PPME1: variants seen among roughly 807,000 people sequenced by gnomAD.
The protein encoded by PPME1 is testicular secretory protein Li 39.
Under a neutral mutation model 56.9 loss-of-function variants are expected in PPME1, and 17 were observed. The ratio of observed to expected loss-of-function variants is 0.30; its 90% CI spans 0.20 to 0.45. The LOEUF (loss-of-function observed/expected upper bound fraction) is 0.45, where lower values mean the gene tolerates loss of function less well. Among genes scored for constraint, PPME1 ranks in the 20% least tolerant of loss-of-function variants. The probability of loss-of-function intolerance (pLI) is 1.00; values close to 1 mark genes in which losing one functional copy is unlikely to be tolerated. For synonymous variants in PPME1, 122 were observed against 156.2 expected (o/e 0.78, Z 1.63); for missense variants, 357 against 483.2 (o/e 0.74, Z 2.45).
intron 5 of PPME1, among the ~76,000 whole-genome samples, chr11:74,229,352 G>C (rs1366115466): frequency 6.6e-6 from 1 of 152,060 alleles, no homozygotes; most frequent in East Asian, 1.9e-4. Context: ...ATATAATAAG[G>C]CAGTAGAGCC....
At chr11:74,250,674 G>A (rs567560672) in intron 11 of PPME1, 2 of 378,356 alleles carry the variant, frequency 5.3e-6, no homozygotes, top group East Asian at 8.4e-5. Context: ...CTACTGGACT[G>A]TAAATCCCCT....
Position 74,171,347 on chromosome 11 carries a change from T to A in PPME1, c.-75T>A. The A allele has an allele frequency of 1.3e-6, 2 of 1,532,596 alleles. No homozygotes were observed. The highest frequency in any genetic ancestry group is 1.8e-6 in the Non-Finnish European group (2 of 1,136,832). The allele number at this position is 1,532,596 out of a possible 1,614,324, so 94.9% of individuals were successfully genotyped here. A position where few individuals can be genotyped will look rare whatever the true frequency, so the allele number is the denominator to read the frequency against. On this transcript the variant is annotated 5_prime_UTR_variant, in exon 1 of 14. Coordinates refer to ENST00000328257, the MANE Select transcript of PPME1 (RefSeq NM_016147.3). ...AGGGCGTCGTTAGGGGAGCGAGTCG[T>A]GACCGGTTGGGCCACACTCAACGTG...
intron 1 of PPME1, among the ~76,000 whole-genome samples, chr11:74,192,064 C>G (rs918557126): frequency 1.3e-4 from 20 of 152,228 alleles, no homozygotes; most frequent in African/African-American, 4.8e-4. Context: ...GCTGCAGGCA[C>G]TCAGCTCTAA....
In PPME1 at chr11:74,253,755, C is replaced by T. The variant is rs918440033; in HGVS notation, c.*245C>T. Reference sequence around the variant, plus strand: ...CCCCTGCTCCTTTCCCTTCCCTGTACTGGGGTAGCTCCTGCCTGCTCTCCC... The same window carrying T: ...CCCCTGCTCCTTTCCCTTCCCTGTATTGGGGTAGCTCCTGCCTGCTCTCCC... On this transcript the variant is annotated 3_prime_UTR_variant, in exon 14 of 14. Coordinates refer to ENST00000328257, the MANE Select transcript of PPME1 (RefSeq NM_016147.3). The T allele has an allele frequency of 1.9e-5, 11 of 588,936 alleles. No individual in the cohort carries two copies. The Admixed American group carries it at 2.4e-4, about 13-fold the overall frequency. The allele number at this position is 588,936 out of a possible 1,614,324, so 36.5% of individuals were successfully genotyped here.
At chr11:74,245,949 C>T in intron 9 of PPME1, 127 bp from the exon 10 acceptor site, 2 of 1,047,344 alleles carry the variant, frequency 1.9e-6, no homozygotes, top group South Asian at 3.5e-5. Context: ...ATTAAAATGT[C>T]TAGGACTTAG....
chr11:74,212,853 C>T (rs1266143911), intron 3 of PPME1, among the ~76,000 whole-genome samples: 1 of 152,112 alleles, frequency 6.6e-6, no homozygotes, highest in Non-Finnish European at 1.5e-5. Context: ...AGTATTCAGA[C>T]AGTATTTGCC....
At chr11:74,181,949 A>C (rs531717590) in intron 1 of PPME1, among the ~76,000 whole-genome samples, 1 of 152,348 alleles carries the variant, frequency 6.6e-6, no homozygotes, top group African/African-American at 2.4e-5. Context: ...CATAATTTCC[A>C]CATGTCATTA....
intron 3 of PPME1, among the ~76,000 whole-genome samples, chr11:74,209,424 A>G (rs1355861766): frequency 2.0e-5 from 3 of 152,146 alleles, no homozygotes; most frequent in Non-Finnish European, 2.9e-5. Flanking sequence ...TTTTAAACAC[A>G]ACATTTACCC....
At chr11:74,222,893 G>A (rs1858834635) in intron 4 of PPME1, among the ~76,000 whole-genome samples, 1 of 151,262 alleles carries the variant, frequency 6.6e-6, no homozygotes, top group Non-Finnish European at 1.5e-5. Context: ...TGTATTTTAT[G>A]TGTGTTAAGC....
chr11:74,197,470 A>ATTTTTAT, intron 1 of PPME1, among the ~76,000 whole-genome samples: 1 of 152,226 alleles, frequency 6.6e-6, no homozygotes, highest in Admixed American at 6.5e-5. Context: ...TATGATAAAT[A>ATTTTTAT]GAACTGACTA....
chr11:74,195,435 T>G (rs1463241227), intron 1 of PPME1, among the ~76,000 whole-genome samples: 2 of 152,250 alleles, frequency 1.3e-5, no homozygotes, highest in Non-Finnish European at 2.9e-5. Context: ...TTCAGATTCA[T>G]GTACTTTTAA....
At chr11:74,187,572 T>G (rs1857718344) in intron 1 of PPME1, among the ~76,000 whole-genome samples, 1 of 152,224 alleles carries the variant, frequency 6.6e-6, no homozygotes, top group Non-Finnish European at 1.5e-5. Flanking sequence ...CAATTGATTT[T>G]TATATATTGG....
At chr11:74,207,690 T>A (rs956083169) in intron 3 of PPME1, among the ~76,000 whole-genome samples, 16 of 152,198 alleles carry the variant, frequency 1.1e-4, no homozygotes, top group African/African-American at 3.4e-4. Flanking sequence ...GTACTAGGTA[T>A]AACAGACCAC....
rs561330789 is a variant in PPME1 at position 74,251,556 on chromosome 11, G to A, written c.1075-92G>A. ...GACCTGTGGGTGGGATGAGGGCACC[G>A]TAGAGCCTAACCATCTAACAGTAGC... On this transcript the variant is annotated intron_variant, in intron 12 of 13. Transcript: ENST00000328257. 54 of 1,553,796 alleles carry A rather than the reference G, an allele frequency of 3.5e-5. No homozygotes were observed. The South Asian group carries it at 4.5e-4, about 13-fold the overall frequency.
intron 3 of PPME1, among the ~76,000 whole-genome samples, chr11:74,212,336 T>C (rs1858499930): frequency 6.6e-6 from 1 of 152,180 alleles, no homozygotes; most frequent in Non-Finnish European, 1.5e-5. Context: ...GAATTACCCA[T>C]TCCAGTGTTC....
chr11:74,205,587 A>T (rs1322252187), intron 3 of PPME1: 1 of 152,214 alleles, frequency 6.6e-6, no homozygotes. Context: ...AGCGGGGATT[A>T]TTGGGGTTAA....
chr11:74,221,115 C>T (rs1056876615), intron 3 of PPME1, among the ~76,000 whole-genome samples: 1 of 152,096 alleles, frequency 6.6e-6, no homozygotes, highest in African/African-American at 2.4e-5. Context: ...CTGACAGGCA[C>T]CTATGATTGT....
At chr11:74,208,806 G>A (rs536569189) in intron 3 of PPME1, among the ~76,000 whole-genome samples, 2 of 152,296 alleles carry the variant, frequency 1.3e-5, no homozygotes, top group East Asian at 3.9e-4. Context: ...CATCTGAAAT[G>A]GTTTTTAAGA....
intron 1 of PPME1, among the ~76,000 whole-genome samples, chr11:74,185,595 A>G (rs1173839717): frequency 6.7e-6 from 1 of 148,426 alleles, no homozygotes; most frequent in Admixed American, 6.7e-5. Flanking sequence ...ATGGTGTTTC[A>G]GTGGCTTTTT....
Sources: gnomAD v4.1 joint callset for allele counts (sites outside exome capture counted in the v4.1 genomes callset) on GRCh38, gnomAD v4.1.1 for gene constraint, MANE v1.5 for transcripts, NCBI Gene and HGNC (gene_info 2026-07-23, HGNC 2026-07-21) for gene names.